Variants in HMGCLL1 observed in about 807,000 individuals in gnomAD.
The protein encoded by HMGCLL1 is 3-hydroxymethyl-3-methylglutaryl-CoA lyase, cytoplasmic.
Under a neutral mutation model 39.1 loss-of-function variants are expected in HMGCLL1, and 36 were observed. The ratio of observed to expected loss-of-function variants is 0.92; its 90% CI spans 0.71 to 1.22. HMGCLL1 has a LOEUF of 1.22. Ranked by LOEUF, HMGCLL1 falls within the 50% of genes most tolerant of loss-of-function variation. The pLI is 0.00. For missense variants in HMGCLL1, 451 were observed against 416.5 expected (o/e 1.08, Z -0.72); for synonymous variants, 149 against 144.0 (o/e 1.03, Z -0.25).
At chr6:55,622,056 C>A in the HMGCLL1 span, among the ~76,000 whole-genome samples, 3 of 151,920 alleles carry the variant, frequency 2.0e-5, no homozygotes, top group Non-Finnish European at 4.4e-5. Flanking sequence ...GTATTACCTT[C>A]TTGATTTCTT....
the HMGCLL1 span, among the ~76,000 whole-genome samples, chr6:55,598,618 AT>A: frequency 6.6e-6 from 1 of 152,230 alleles, no homozygotes; most frequent in African/African-American, 2.4e-5. Context: ...CTTTGTAGTC[AT>A]ACCTCACAAG....
intron 3 of HMGCLL1, among the ~76,000 whole-genome samples, chr6:55,522,020 G>A (rs1768067027): frequency 1.3e-5 from 2 of 151,948 alleles, no homozygotes; most frequent in Admixed American, 6.6e-5. Flanking sequence ...TTGCTGAAAC[G>A]GAGAAAGTTT....
At chr6:55,442,108 A>G (rs1047435539) in intron 7 of HMGCLL1, among the ~76,000 whole-genome samples, 6 of 152,156 alleles carry the variant, frequency 3.9e-5, no homozygotes, top group African/African-American at 1.4e-4. Context: ...ATCAATATAA[A>G]TTATGACGGC....
At chr6:55,665,892 T>C in the HMGCLL1 span, among the ~76,000 whole-genome samples, 1 of 151,800 alleles carries the variant, frequency 6.6e-6, no homozygotes, top group Non-Finnish European at 1.5e-5. Flanking sequence ...ATAATAAAGA[T>C]AAAATGATAT....
chr6:55,578,167 C>T (rs1007086754), intron 1 of HMGCLL1, among the ~76,000 whole-genome samples: 1 of 152,152 alleles, frequency 6.6e-6, no homozygotes, highest in Non-Finnish European at 1.5e-5. Flanking sequence ...ACAAGAAGTC[C>T]TCACAGTGCT....
chr6:55,525,934 T>C (rs1331075567), intron 3 of HMGCLL1, among the ~76,000 whole-genome samples: 1 of 151,842 alleles, frequency 6.6e-6, no homozygotes, highest in African/African-American at 2.4e-5. Flanking sequence ...TGGTCCAGAG[T>C]ACTGTGGTCA....
the HMGCLL1 span, among the ~76,000 whole-genome samples, chr6:55,591,902 T>G: frequency 6.6e-6 from 1 of 152,036 alleles, no homozygotes. Flanking sequence ...TTCAATGACC[T>G]ATATTTCACA....
At chr6:55,580,406 C>CTTTTTTTT (rs145371462), upstream of HMGCLL1, among the ~76,000 whole-genome samples, 208 of 73,272 alleles carry the variant, frequency 2.8e-3, 4 homozygotes, top group Non-Finnish European at 4.0e-3. Context: ...TTTTTTCTTT[C>CTTTTTTTT]TTTTTTTTTT....
In HMGCLL1 at chr6:55,501,694, TAAACCAG is replaced by T. The variant is rs1216738475; in HGVS notation, c.543-2402_543-2396del. On this transcript the variant is annotated intron_variant, in intron 5 of 8. Transcript: ENST00000274901. Reference sequence around the variant, plus strand: ...TGCTTAGGATATGTTCCAAAACAATTAAACCAGAAACCTAGTGGATGAAATCCAACCA... The same window carrying T: ...TGCTTAGGATATGTTCCAAAACAATTAAACCTAGTGGATGAAATCCAACCA... 2.0e-5 allele frequency among the ~76,000 whole-genome samples: 3 copies of T among 151,874 alleles called. No individual in the cohort carries two copies. In the East Asian group the frequency reaches 5.8e-4, roughly 29 times the overall value.
the HMGCLL1 span, among the ~76,000 whole-genome samples, chr6:55,634,938 T>G: frequency 2.0e-5 from 3 of 152,132 alleles, no homozygotes; most frequent in African/African-American, 7.2e-5. Context: ...AGACAGCTTA[T>G]TATTGGTTAA....
At chr6:55,677,165 G>C in the HMGCLL1 span, among the ~76,000 whole-genome samples, 2 of 152,176 alleles carry the variant, frequency 1.3e-5, no homozygotes, top group Non-Finnish European at 2.9e-5. Flanking sequence ...GGGAGGCCAA[G>C]GCAGGAGGAT....
At chr6:55,483,954 TG>T in intron 7 of HMGCLL1, among the ~76,000 whole-genome samples, 1 of 152,300 alleles carries the variant, frequency 6.6e-6, no homozygotes, top group Admixed American at 6.5e-5. Context: ...ATGAACATTT[TG>T]TATTAGTAGG....
At chr6:55,634,160 T>A in the HMGCLL1 span, among the ~76,000 whole-genome samples, 4 of 152,046 alleles carry the variant, frequency 2.6e-5, no homozygotes, top group South Asian at 2.1e-4. Context: ...AAAATGGTGT[T>A]CTTGATTCAA....
chr6:55,499,174 C>T, intron 6 of HMGCLL1, 62 bp downstream of exon 6: 2 of 1,288,572 alleles, frequency 1.6e-6, no homozygotes, highest in Non-Finnish European at 2.2e-6. Flanking sequence ...TAAGAAAGCC[C>T]CCTTTTAAAA....
At chr6:55,477,391 A>ATATATTATCT (rs1561905255) in intron 7 of HMGCLL1, among the ~76,000 whole-genome samples, 3 of 42,224 alleles carry the variant, frequency 7.1e-5, no homozygotes, top group Non-Finnish European at 1.2e-4. Flanking sequence ...TTATCTAAAT[A>ATATATTATCT]TAATATATAT....
chr6:55,662,625 G>T, the HMGCLL1 span, among the ~76,000 whole-genome samples: 17 of 151,858 alleles, frequency 1.1e-4, no homozygotes, highest in African/African-American at 4.1e-4. Flanking sequence ...GTTCATCAAG[G>T]ATATTGGCTT....
At chr6:55,601,976 T>C in the HMGCLL1 span, among the ~76,000 whole-genome samples, 1 of 152,124 alleles carries the variant, frequency 6.6e-6, no homozygotes, top group Non-Finnish European at 1.5e-5. Flanking sequence ...GTTCTCCTTA[T>C]GGGCCTTTCC....
chr6:55,533,085 G>C (rs940920360), intron 3 of HMGCLL1, among the ~76,000 whole-genome samples: 6 of 150,966 alleles, frequency 4.0e-5, no homozygotes, highest in African/African-American at 1.5e-4. Context: ...CTTAACCAGA[G>C]GAATTCAGGA....
chr6:55,547,190 A>C (rs1478289565), intron 1 of HMGCLL1, among the ~76,000 whole-genome samples: 2 of 152,052 alleles, frequency 1.3e-5, no homozygotes, highest in African/African-American at 2.4e-5. Flanking sequence ...GAAAATAATA[A>C]TGAATCATTC....
Sources: gnomAD v4.1 joint callset for allele counts (sites outside exome capture counted in the v4.1 genomes callset) on GRCh38, gnomAD v4.1.1 for gene constraint, MANE v1.5 for transcripts, NCBI Gene and HGNC (gene_info 2026-07-23, HGNC 2026-07-21) for gene names.